Variants in GNAT2 observed in about 807,000 individuals in gnomAD.
The protein encoded by GNAT2 is G protein subunit alpha transducin 2.
Under a neutral mutation model 40.9 loss-of-function variants are expected in GNAT2, and 32 were observed. That is an observed-to-expected ratio of 0.78 (90% CI 0.59 to 1.05). GNAT2 has a LOEUF of 1.05. Ranked by LOEUF, GNAT2 falls within the 50% of genes least tolerant of loss-of-function variation. GNAT2 has a pLI of 0.00. For synonymous variants in GNAT2, 141 were observed against 157.2 expected (o/e 0.90, Z 0.77); for missense variants, 355 against 431.5 (o/e 0.82, Z 1.57).
intron 8 of GNAT2, 58 bp from the exon 9 acceptor site, chr1:109,603,602 A>G (rs1462499489): frequency 8.7e-7 from 1 of 1,144,288 alleles, no homozygotes; most frequent in Non-Finnish European, 1.3e-6. Flanking sequence ...TTAGTTGCTG[A>G]CTCACTTTAG....
At chr1:109,618,259 T>A (rs1031843660) in intron 1 of GNAT2, 1 of 152,242 alleles carries the variant, frequency 6.6e-6, no homozygotes, top group African/African-American at 2.4e-5. Flanking sequence ...GTGTTTTGCA[T>A]CCATTCTTTT....
At chr1:109,608,314 C>T in intron 5 of GNAT2, 1 of 414,838 alleles carries the variant, frequency 2.4e-6, no homozygotes, top group Non-Finnish European at 4.5e-6. Flanking sequence ...GCTTAGTGTA[C>T]ACCTCAATTA....
At chr1:109,604,970 CTG>C (rs1310240310) in intron 7 of GNAT2, 1 of 152,150 alleles carries the variant, frequency 6.6e-6, no homozygotes, top group Non-Finnish European at 1.5e-5. Context: ...GTCTCATAGA[CTG>C]TAATCTTTAG....
At chr1:109,606,279 C>T (rs1386526572) in intron 6 of GNAT2, 29 bp downstream of exon 6, 12 of 1,612,440 alleles carry the variant, frequency 7.4e-6, no homozygotes, top group South Asian at 1.1e-5. Flanking sequence ...CACGTGTATC[C>T]GAGATGCCCT....
At chr1:109,609,867 G>T in intron 4 of GNAT2, 173 bp downstream of exon 4, 1 of 710,300 alleles carries the variant, frequency 1.4e-6, no homozygotes, top group East Asian at 2.5e-5. Context: ...GATGGGTAAA[G>T]GGCCTTGAGA....
Position 109,608,613 on chromosome 1 carries a change from C to CT in GNAT2, c.461+17dup. 1 of 1,611,848 alleles carries CT rather than the reference C, an allele frequency of 6.2e-7. No homozygotes were observed. Among genetic ancestry groups the CT allele is most frequent in the Non-Finnish European group, 8.5e-7 (1 of 1,177,906 alleles). On this transcript the variant is annotated intron_variant, in intron 5 of 8. Transcript: ENST00000679935. ...GATTGCTTAAGCATCAACCCACCCT[C>CT]TCACCAGTCAGTCTTACTAAGATGC...
At chr1:109,616,243 G>A (rs1649948689) in intron 1 of GNAT2, 1 of 152,206 alleles carries the variant, frequency 6.6e-6, no homozygotes, top group African/African-American at 2.4e-5. Context: ...AAGGTATGTA[G>A]TGCTAGTTCC....
Position 109,603,536 on chromosome 1 carries a change from A to T in GNAT2, c.883T>A (p.Ser295Thr). The T allele has an allele frequency of 6.2e-7, 1 of 1,606,202 alleles. No individual in the cohort carries two copies. Among genetic ancestry groups the T allele is most frequent in the Non-Finnish European group, 8.5e-7 (1 of 1,172,884 alleles). ...ICFPEYDGNNSYDDAGNYIKS... is the reference protein window; with the variant it reads ...ICFPEYDGNNTYDDAGNYIKS... ...ATGTAATTCCCCGCATCATCATAGG[A>T]GTTGTTACCTGGTTTTCCAGAAAAA... is the stretch of plus-strand genomic sequence containing the variant. Residue 295 changes from serine to threonine, a missense_variant, in exon 9 of 9, where the codon TCC becomes ACC. By Grantham distance (58) the Ser-to-Thr change is moderately conservative. Coordinates refer to ENST00000679935, the MANE Select transcript of GNAT2 (RefSeq NM_001377295.2).
chr1:109,612,958 G>C lies in GNAT2; in HGVS notation c.-53-35C>G, dbSNP rs886045029. ...AGATGGAAGAGAAGGAAAAAAGTTG[G>C]GATTGAGTATCCCAACTTGGCTCCC... is the stretch of plus-strand genomic sequence containing the variant. On this transcript the variant is annotated intron_variant, in intron 1 of 8. Transcript: ENST00000679935. 1.1e-6 allele frequency: 1 copy of C among 927,372 alleles called. No individual in the cohort carries two copies. Among genetic ancestry groups the C allele is most frequent in the Non-Finnish European group, 1.8e-6 (1 of 562,880 alleles). The allele number at this position is 927,372 out of a possible 1,614,324, so 57.4% of individuals were successfully genotyped here.
intron 1 of GNAT2, chr1:109,617,397 G>A: frequency 6.6e-6 from 1 of 152,244 alleles, no homozygotes; most frequent in African/African-American, 2.4e-5. Context: ...GGAGGAAGCT[G>A]TGTTTGGAGC....
At chr1:109,611,027 T>C (rs77386802) in intron 2 of GNAT2, 1 of 187,478 alleles carries the variant, frequency 5.3e-6, no homozygotes, top group African/African-American at 2.4e-5. Context: ...TTTTTTTTTT[T>C]GAGACAGGGT....
At chr1:109,614,898 G>C (rs1005781596) in intron 1 of GNAT2, 2 of 152,058 alleles carry the variant, frequency 1.3e-5, no homozygotes, top group Non-Finnish European at 2.9e-5. Context: ...ATTGACTTAA[G>C]GAAAAACAGG....
At chr1:109,613,735 G>C in intron 1 of GNAT2, 1 of 152,260 alleles carries the variant, frequency 6.6e-6, no homozygotes, top group East Asian at 1.9e-4. Flanking sequence ...AAGGGTGTAT[G>C]GTGAAGAGAA....
Position 109,606,421 on chromosome 1 carries a change from T to G in GNAT2, c.477A>C (p.Leu159Phe). 6.2e-7 allele frequency: 1 copy of G among 1,613,364 alleles called. No individual in the cohort carries two copies. Among genetic ancestry groups the G allele is most frequent in the Non-Finnish European group, 8.5e-7 (1 of 1,179,278 alleles). ...NDSASYYLNQ[L>F]ERITDPEYLP... The stretch of plus-strand genomic sequence containing the variant: ...GGTACTCAGGGTCTGTAATTCGTTC[T>G]AATTGGTTCAGGTAGCTAGAGAAAA... Residue 159 changes from leucine (L) to phenylalanine (F), a missense_variant, in exon 6 of 9, where the codon TTA becomes TTC. Physicochemically the swap from Leu to Phe is conservative, Grantham distance 22. Transcript: ENST00000679935.
In GNAT2 at chr1:109,604,113, A is replaced by G; in HGVS notation, c.721-9T>C. ...GACTCATGCATACGATTCTAGTAAG[A>G]GGAAACACCATTGGAAATATCAGAT... On this transcript the variant is annotated splice_polypyrimidine_tract_variant and intron_variant, in intron 7 of 8. Coordinates refer to ENST00000679935, the MANE Select transcript of GNAT2 (RefSeq NM_001377295.2). 2 of 1,602,600 alleles carry G rather than the reference A, an allele frequency of 1.2e-6. No homozygotes were observed. Among genetic ancestry groups the G allele is most frequent in the Non-Finnish European group, 1.7e-6 (2 of 1,170,078 alleles).
At chr1:109,604,380 G>A (rs945628837) in intron 7 of GNAT2, 1 of 456,850 alleles carries the variant, frequency 2.2e-6, no homozygotes, top group African/African-American at 2.0e-5. Flanking sequence ...AAATGAGATT[G>A]TGTATGTATA....
chr1:109,618,415 A>G (rs1017304592), intron 1 of GNAT2: 11 of 152,216 alleles, frequency 7.2e-5, no homozygotes, highest in African/African-American at 2.2e-4. Flanking sequence ...TATGCAATAC[A>G]CATTGTGGTG....
intron 7 of GNAT2, chr1:109,604,401 T>C (rs112061380): frequency 0.017 from 7,061 of 412,058 alleles, 165 homozygotes; most frequent in South Asian, 0.059. Context: ...TTGTCCATGA[T>C]AGTGGCTGGC....
rs1557917525 is a variant in GNAT2 at position 109,603,457 on chromosome 1, C to T, written c.962G>A (p.Ser321Asn). The change falls in exon 9 of 9, where the codon AGT becomes AAT. Residue 321 changes from serine (S) to asparagine (N), a missense_variant. By Grantham distance (46) the Ser-to-Asn change is conservative. Transcript: ENST00000679935. Reference protein sequence around the residue: ...NMRKDVKEIYSHMTCATDTQN... With the variant: ...NMRKDVKEIYNHMTCATDTQN... Reference sequence around the variant, plus strand: ...TGTATCTGTAGCACAGGTCATGTGACTGTAGATTTCTTTGACATCTTTTCG... The same window carrying T: ...TGTATCTGTAGCACAGGTCATGTGATTGTAGATTTCTTTGACATCTTTTCG... 4 of 1,597,782 alleles carry T rather than the reference C, an allele frequency of 2.5e-6. No homozygotes were observed. In the South Asian group the frequency reaches 3.3e-5, roughly 13 times the overall value.
Sources: allele counts gnomAD v4.1 joint callset, GRCh38; gene constraint gnomAD v4.1.1; transcripts MANE v1.5; gene names NCBI Gene and HGNC (gene_info 2026-07-23, HGNC 2026-07-21).